The following SLA2 variants were observed in gnomAD, a reference collection of about 807,000 sequenced individuals.
SLA2 encodes the protein Src like adaptor 2, also known as src-like-adapter 2.
In SLA2, 22 loss-of-function variants were observed where a neutral mutation model predicts 27.3. The ratio of observed to expected loss-of-function variants is 0.81; its 90% confidence interval spans 0.58 to 1.15. The LOEUF is 1.15. Among genes scored for constraint, SLA2 ranks in the 50% most tolerant of loss-of-function variants. The pLI is 0.00. For missense variants in SLA2, 304 were observed against 322.2 expected, an observed-to-expected ratio of 0.94 and a Z score of 0.43; for synonymous variants, 131 against 137.8, an observed-to-expected ratio of 0.95 and a Z score of 0.34.
In SLA2 at chr20:36,629,065, A is replaced by ATT. The variant is rs768278326; in HGVS notation, c.382+3528_382+3529dup. 2.6e-3 allele frequency among the ~76,000 whole-genome samples: 357 copies of ATT among 137,816 alleles called. 3 individuals carry two copies. Among genetic ancestry groups the ATT allele is most frequent in the African/African-American group, 8.9e-3 (334 of 37,472 alleles). The allele number at this position is 137,816 out of a possible 152,430, so 90.4% of individuals were successfully genotyped here. A position where few individuals can be genotyped will look rare whatever the true frequency, so the allele number is the denominator to read the frequency against. On this transcript the variant is annotated intron_variant, in intron 5 of 7. Coordinates refer to ENST00000262866, the MANE Select transcript of SLA2 (RefSeq NM_032214.4). Reference sequence around the variant, plus strand: ...GACCTTAGTCCCGGTAATTATGAGGATTTTTTTTTTTTTTTTGAGACATAG... The same window carrying ATT: ...GACCTTAGTCCCGGTAATTATGAGGATTTTTTTTTTTTTTTTTTGAGACATAG...
intron 5 of SLA2, among the ~76,000 whole-genome samples, chr20:36,620,234 C>A (rs746051444): frequency 2.6e-5 from 4 of 151,246 alleles, no homozygotes; most frequent in Non-Finnish European, 4.4e-5. Flanking sequence ...ACTAAAAATA[C>A]AAAAATTAGC....
chr20:36,630,575 T>TA (rs2039383896), intron 5 of SLA2, among the ~76,000 whole-genome samples: 1 of 152,212 alleles, frequency 6.6e-6, no homozygotes, highest in Non-Finnish European at 1.5e-5. Context: ...GCTCTGCACT[T>TA]ACTAGCTGTG....
chr20:36,633,639 GAA>G lies in SLA2; in HGVS notation c.192-12_192-11del. The G allele has an allele frequency of 6.2e-7, 1 of 1,610,960 alleles. No individual in the cohort carries two copies. Among genetic ancestry groups the G allele is most frequent in the Non-Finnish European group, 8.5e-7 (1 of 1,177,316 alleles). ...CCACCAGTCTCCATCCCTGGAGAGA[GAA>G]AGGAGTGGGGGCACCTCTTTCAGAT... On this transcript the variant is annotated splice_polypyrimidine_tract_variant and intron_variant, in intron 3 of 7. Transcript: ENST00000262866.
chr20:36,632,641 C>T lies in SLA2; in HGVS notation c.336G>A (p.Gly112=), dbSNP rs76745296. Residue 112 remains glycine (G), a synonymous_variant, in exon 5 of 8, where the codon GGG becomes GGA. Transcript: ENST00000262866. ...GGATGAGGAAGGCCCCTCCAGGGTT[C>T]CCAGGTAACAACAGCAGTTCCTCTG... ...EKAEELLLLP[G]NPGGAFLIRE... is the part of the protein sequence containing the mutation. 1,742 of 1,614,220 alleles carry T rather than the reference C, an allele frequency of 1.1e-3. 2 individuals are homozygous for T. The highest frequency in any genetic ancestry group is 1.4e-3 in the Non-Finnish European group (1,603 of 1,180,038).
At chr20:36,628,152 C>T (rs1036804630) in intron 5 of SLA2, among the ~76,000 whole-genome samples, 1 of 152,112 alleles carries the variant, frequency 6.6e-6, no homozygotes, top group African/African-American at 2.4e-5. Context: ...GTTAGGTCTG[C>T]GGTAGGGCCT....
chr20:36,626,094 G>C (rs1235200134), intron 5 of SLA2, among the ~76,000 whole-genome samples: 1 of 151,170 alleles, frequency 6.6e-6, no homozygotes, highest in Non-Finnish European at 1.5e-5. Context: ...GCAAAACCCT[G>C]ACTTTAAAAA....
rs751807001 is a variant in SLA2 at position 36,632,710 on chromosome 20, A to G, written c.279-12T>C. On this transcript the variant is annotated splice_polypyrimidine_tract_variant and intron_variant, in intron 4 of 7. Transcript: ENST00000262866. ...CCTCATACAGCCACCTGGCGGAGCG[A>G]AAGAGAGGGACAAGGGACAGGGTCA... is the stretch of plus-strand genomic sequence containing the variant. The G allele has an allele frequency of 3.7e-5, 59 of 1,609,674 alleles. No homozygotes were observed. The highest frequency in any genetic ancestry group is 4.9e-5 in the Non-Finnish European group (58 of 1,176,888).
intron 5 of SLA2, among the ~76,000 whole-genome samples, chr20:36,626,720 T>C (rs1008206486): frequency 4.0e-5 from 6 of 151,478 alleles, no homozygotes; most frequent in African/African-American, 1.5e-4. Context: ...GGCAGCCGCC[T>C]GTGGTCCCAG....
chr20:36,631,906 T>C (rs182854459), intron 5 of SLA2, among the ~76,000 whole-genome samples: 7 of 152,310 alleles, frequency 4.6e-5, no homozygotes, highest in Admixed American at 1.3e-4. Flanking sequence ...TCAGAAACAC[T>C]TGGGAAATGC....
At chr20:36,637,646 T>G (rs1270089186) in intron 2 of SLA2, among the ~76,000 whole-genome samples, 1 of 141,836 alleles carries the variant, frequency 7.1e-6, no homozygotes, top group African/African-American at 2.6e-5. Flanking sequence ...TTTTTTTTTT[T>G]GAGACAGTCC....
chr20:36,636,210 G>A (rs1424632319), intron 2 of SLA2, among the ~76,000 whole-genome samples: 3 of 146,182 alleles, frequency 2.1e-5, no homozygotes, highest in East Asian at 1.9e-4. Context: ...GAGGTCAGGA[G>A]ATCGAGACCA....
chr20:36,639,519 G>A (rs1283737964), intron 2 of SLA2, among the ~76,000 whole-genome samples: 3 of 152,062 alleles, frequency 2.0e-5, no homozygotes, highest in South Asian at 4.2e-4. Context: ...TGTTTTGGGA[G>A]AAGAAGAAAC....
At chr20:36,627,571 C>G (rs1438870185) in intron 5 of SLA2, among the ~76,000 whole-genome samples, 1 of 152,228 alleles carries the variant, frequency 6.6e-6, no homozygotes, top group African/African-American at 2.4e-5. Flanking sequence ...GGAACCACGT[C>G]TTGCTCATCA....
intron 2 of SLA2, among the ~76,000 whole-genome samples, chr20:36,639,425 A>AC (rs56349624): frequency 7.8e-4 from 118 of 151,398 alleles, no homozygotes; most frequent in Non-Finnish European, 1.4e-3. Context: ...ACACACACAC[A>AC]ACTATTGGTT....
intron 5 of SLA2, among the ~76,000 whole-genome samples, chr20:36,623,481 C>T (rs1198443858): frequency 6.6e-6 from 1 of 151,980 alleles, no homozygotes; most frequent in Non-Finnish European, 1.5e-5. Flanking sequence ...GTAATACAAT[C>T]ATATGTAGAT....
chr20:36,630,598 A>C (rs146943556), intron 5 of SLA2, among the ~76,000 whole-genome samples: 3 of 152,284 alleles, frequency 2.0e-5, no homozygotes, highest in Non-Finnish European at 4.4e-5. Flanking sequence ...TCCCCAGGCA[A>C]ATTATTTCTC....
chr20:36,618,673 A>C (rs2039242822), intron 5 of SLA2, among the ~76,000 whole-genome samples: 1 of 151,868 alleles, frequency 6.6e-6, no homozygotes. Context: ...TGGGAGGCAG[A>C]GGCTGTTGGA....
At chr20:36,614,135 C>T in intron 7 of SLA2, 149 bp from the exon 8 acceptor site, 1 of 1,463,464 alleles carries the variant, frequency 6.8e-7, no homozygotes, top group Non-Finnish European at 9.4e-7. Context: ...GCTTCCCCAG[C>T]CCCACCTGTC....
chr20:36,643,819 G>A (rs2147999618), intron 1 of SLA2, among the ~76,000 whole-genome samples: 1 of 152,256 alleles, frequency 6.6e-6, no homozygotes, highest in East Asian at 1.9e-4. Context: ...GGGTGTGGTG[G>A]TGGGTACCTG....
Sources: allele counts gnomAD v4.1 joint callset (sites outside exome capture counted in the v4.1 genomes callset), GRCh38; gene constraint gnomAD v4.1.1; transcripts MANE v1.5; gene names NCBI Gene and HGNC (gene_info 2026-07-23, HGNC 2026-07-21).